Variants in PRKG1 observed in about 807,000 individuals in gnomAD.
PRKG1 encodes protein kinase cGMP-dependent 1.
Under a neutral mutation model 88.1 loss-of-function variants are expected in PRKG1, and 35 were observed. That is an observed-to-expected ratio of 0.40 (90% CI 0.30 to 0.53). PRKG1 has a LOEUF of 0.53. Ranked by LOEUF, PRKG1 falls within the 20% of genes least tolerant of loss-of-function variation. The pLI is 0.59. For synonymous variants in PRKG1, 303 were observed against 292.5 expected (o/e 1.04, Z -0.37); for missense variants, 540 against 839.8 (o/e 0.64, Z 4.41).
intron 7 of PRKG1, among the ~76,000 whole-genome samples, chr10:52,119,720 T>C (rs1280770748): frequency 1.3e-5 from 2 of 152,244 alleles, no homozygotes; most frequent in Admixed American, 1.3e-4. Context: ...TGTCTTGATC[T>C]GTTTTGTGCT....
intron 1 of PRKG1, among the ~76,000 whole-genome samples, chr10:51,146,185 T>C (rs1845944173): frequency 6.7e-6 from 1 of 150,004 alleles, no homozygotes; most frequent in South Asian, 2.1e-4. Flanking sequence ...CAAGACTCTG[T>C]CTCAAAAAAA....
chr10:51,249,790 T>G (rs1839383738), intron 2 of PRKG1, among the ~76,000 whole-genome samples: 1 of 151,828 alleles, frequency 6.6e-6, no homozygotes, highest in Non-Finnish European at 1.5e-5. Context: ...TGCAGCCCAG[T>G]GAACATGACA....
At chr10:51,607,577 C>G (rs1838799251) in intron 3 of PRKG1, among the ~76,000 whole-genome samples, 1 of 152,204 alleles carries the variant, frequency 6.6e-6, no homozygotes, top group Non-Finnish European at 1.5e-5. Flanking sequence ...TCTGTTCTCC[C>G]TCTATATCTC....
chr10:51,444,555 G>A (rs1417634158), intron 2 of PRKG1, among the ~76,000 whole-genome samples: 1 of 151,816 alleles, frequency 6.6e-6, no homozygotes, highest in Admixed American at 6.6e-5. Flanking sequence ...ATCTTAGGAT[G>A]GTAAAAGAAG....
At chr10:51,016,943 A>G (rs1298670810) in intron 1 of PRKG1, among the ~76,000 whole-genome samples, 1 of 151,484 alleles carries the variant, frequency 6.6e-6, no homozygotes, top group Non-Finnish European at 1.5e-5. Context: ...CTGGGATTAC[A>G]TGTGTGAGCC....
At chr10:51,606,914 C>G (rs746881714) in intron 3 of PRKG1, among the ~76,000 whole-genome samples, 8 of 152,132 alleles carry the variant, frequency 5.3e-5, no homozygotes, top group Non-Finnish European at 1.0e-4. Flanking sequence ...CCAAGCTAAT[C>G]TGCTGATTGC....
At chr10:51,149,590 A>G (rs1846017120) in intron 1 of PRKG1, among the ~76,000 whole-genome samples, 2 of 152,240 alleles carry the variant, frequency 1.3e-5, no homozygotes, top group South Asian at 4.1e-4. Context: ...TTATCTGGGG[A>G]TATTATACCA....
chr10:51,232,427 T>C (rs1345076194), intron 2 of PRKG1, among the ~76,000 whole-genome samples: 1 of 152,204 alleles, frequency 6.6e-6, no homozygotes, highest in Non-Finnish European at 1.5e-5. Flanking sequence ...CTGTTTGAGA[T>C]AGACACTTTG....
intron 2 of PRKG1, among the ~76,000 whole-genome samples, chr10:51,410,256 G>GTATATATA (rs34400449): frequency 7.1e-6 from 1 of 140,582 alleles, no homozygotes; most frequent in African/African-American, 2.7e-5. Context: ...GTGTGTGTGT[G>GTATATATA]TGTATATATA....
intron 3 of PRKG1, among the ~76,000 whole-genome samples, chr10:51,595,887 T>A (rs889536242): frequency 1.3e-5 from 2 of 152,008 alleles, no homozygotes; most frequent in Admixed American, 1.3e-4. Context: ...CAGGCTGGAG[T>A]GCAGTGGCAG....
At chr10:52,211,394 G>T (rs185121240) in intron 9 of PRKG1, among the ~76,000 whole-genome samples, 1 of 152,138 alleles carries the variant, frequency 6.6e-6, no homozygotes, top group Non-Finnish European at 1.5e-5. Flanking sequence ...CCCTTAAAAA[G>T]GTTAAATCTT....
At position 51,762,951 on chromosome 10, in the gene PRKG1, T is replaced by TA. The variant is rs540402604; in HGVS notation, c.593-41630dup. Among the ~76,000 whole-genome samples, 453 of 152,318 alleles carry TA rather than the reference T, an allele frequency of 3.0e-3. 5 individuals carry two copies. The highest frequency in any genetic ancestry group is 0.01 in the African/African-American group (430 of 41,574). ...TAGAAAGAATGGGAGGATTCAAGTT[T>TA]AAAATCTGGTATCCTAGTCCCAACT... is the stretch of plus-strand genomic sequence containing the variant. On this transcript the variant is annotated intron_variant, in intron 3 of 17. Coordinates refer to ENST00000373980, the MANE Select transcript of PRKG1 (RefSeq NM_006258.4).
At chr10:51,712,460 G>C (rs1259488216) in intron 3 of PRKG1, among the ~76,000 whole-genome samples, 1 of 150,908 alleles carries the variant, frequency 6.6e-6, no homozygotes, top group African/African-American at 2.4e-5. Context: ...ATCTATTACA[G>C]TTATTGTCAA....
chr10:51,528,201 T>A (rs1280422414), intron 3 of PRKG1, among the ~76,000 whole-genome samples: 1 of 152,222 alleles, frequency 6.6e-6, no homozygotes, highest in African/African-American at 2.4e-5. Flanking sequence ...CTAGAGCCAC[T>A]AATCTCATTG....
intron 1 of PRKG1, among the ~76,000 whole-genome samples, chr10:51,061,781 C>T (rs917853832): frequency 1.3e-5 from 2 of 152,146 alleles, no homozygotes; most frequent in African/African-American, 2.4e-5. Context: ...TTACTGCTTT[C>T]TTTCATCTAA....
chr10:51,482,453 T>C (rs1413264730), intron 3 of PRKG1, among the ~76,000 whole-genome samples: 1 of 151,988 alleles, frequency 6.6e-6, no homozygotes, highest in Non-Finnish European at 1.5e-5. Context: ...GAATAGTGTT[T>C]TGTGTCCATT....
At chr10:51,374,093 A>AAAAAAAATATATATATATATATATATAT in intron 2 of PRKG1, among the ~76,000 whole-genome samples, 19 of 100,168 alleles carry the variant, frequency 1.9e-4, no homozygotes, top group African/African-American at 3.7e-4. Flanking sequence ...AAAAAAAAAA[A>AAAAAAAATATATATATATATATATATAT]ATATATATAT....
chr10:51,223,679 C>T (rs1158758548), intron 2 of PRKG1, among the ~76,000 whole-genome samples: 2 of 151,906 alleles, frequency 1.3e-5, no homozygotes, highest in Non-Finnish European at 2.9e-5. Flanking sequence ...ATTCTTTTGG[C>T]CTATTTCCAT....
chr10:51,955,093 G>C (rs746180744), intron 5 of PRKG1, among the ~76,000 whole-genome samples: 86 of 151,886 alleles, frequency 5.7e-4, no homozygotes, highest in Non-Finnish European at 1.3e-4. Flanking sequence ...TTTGTAGTTG[G>C]CTTTTTAAGA....
Sources: allele counts gnomAD v4.1 joint callset (sites outside exome capture counted in the v4.1 genomes callset), GRCh38; gene constraint gnomAD v4.1.1; transcripts MANE v1.5; gene names NCBI Gene and HGNC (gene_info 2026-07-23, HGNC 2026-07-21).